Variants in LRP1B observed in about 807,000 individuals in gnomAD.
LRP1B encodes low-density lipoprotein receptor-related protein 1B.
A neutral mutation model predicts 556.6 loss-of-function variants in LRP1B; 217 were observed. The observed-to-expected ratio is 0.39, with a 90% CI of 0.35 to 0.44. LRP1B has a LOEUF of 0.44. LRP1B is among the 20% of genes least tolerant of loss of function. The pLI is 1.00. For synonymous variants in LRP1B, 2,047 were observed against 1,865.8 expected, an observed-to-expected ratio of 1.10 and a Z score of -2.50; for missense variants, 5,053 against 5,620.8, an observed-to-expected ratio of 0.90 and a Z score of 3.23.
At chr2:140,550,054 T>G (rs556212482) in intron 43 of LRP1B, among the ~76,000 whole-genome samples, 1 of 152,166 alleles carries the variant, frequency 6.6e-6, no homozygotes, top group Non-Finnish European at 1.5e-5. Context: ...CCCCTCCTTG[T>G]GTCCATGTGT....
Position 141,700,248 on chromosome 2 carries a change from G to A in LRP1B, c.205+110031C>T, listed in dbSNP as rs140248375. ...TTGTAACGTTCTACTCAAATCCCAT[G>A]TAAAAGCTGGTATTTGTTTATTCCC... On this transcript the variant is annotated intron_variant, in intron 2 of 90. Coordinates refer to ENST00000389484, the MANE Select transcript of LRP1B (RefSeq NM_018557.3). Among the ~76,000 whole-genome samples the A allele has an allele frequency of 4.6e-3, 695 of 151,834 alleles. 8 individuals carry two copies. The highest frequency in any genetic ancestry group is 0.034 in the Middle Eastern group (10 of 294).
Position 141,823,384 on chromosome 2 carries a change from A to C in LRP1B, c.83-12983T>G, listed in dbSNP as rs546099226. 3.9e-5 allele frequency among the ~76,000 whole-genome samples: 6 copies of C among 152,214 alleles called. No individual in the cohort carries two copies. The South Asian group carries it at 1.2e-3, about 32-fold the overall frequency. On this transcript the variant is annotated intron_variant, in intron 1 of 90. Transcript: ENST00000389484. ...GCACAGTGAGGATGAGGAGGTGGAA[A>C]GTGCTCAACATCTGGGTCTTGGGTG...
At chr2:141,241,634 G>A (rs530175434) in intron 5 of LRP1B, among the ~76,000 whole-genome samples, 13 of 151,952 alleles carry the variant, frequency 8.6e-5, no homozygotes, top group South Asian at 4.2e-4. Flanking sequence ...CCCTCATTTC[G>A]CTTCCTGAAT....
chr2:140,386,932 G>T (rs533027683), intron 66 of LRP1B, among the ~76,000 whole-genome samples: 1 of 152,226 alleles, frequency 6.6e-6, no homozygotes, highest in East Asian at 1.9e-4. Context: ...TGGGAATTTT[G>T]CTATAATGGA....
chr2:141,094,865 A>C (rs1191209150), intron 7 of LRP1B, among the ~76,000 whole-genome samples: 1 of 152,186 alleles, frequency 6.6e-6, no homozygotes, highest in East Asian at 1.9e-4. Flanking sequence ...AACAATTGCA[A>C]AACAACTATG....
At chr2:140,417,069 C>T (rs1286047391) in intron 66 of LRP1B, among the ~76,000 whole-genome samples, 1 of 152,160 alleles carries the variant, frequency 6.6e-6, no homozygotes, top group Non-Finnish European at 1.5e-5. Flanking sequence ...AGCCAGGAAA[C>T]CTTCAAAACT....
intron 2 of LRP1B, among the ~76,000 whole-genome samples, chr2:141,614,489 T>C (rs1688225968): frequency 6.6e-6 from 1 of 152,224 alleles, no homozygotes; most frequent in African/African-American, 2.4e-5. Context: ...GGAAATATCA[T>C]CTTTGCATAT....
chr2:141,316,070 G>A (rs1004596362), intron 3 of LRP1B, among the ~76,000 whole-genome samples: 2 of 151,462 alleles, frequency 1.3e-5, no homozygotes, highest in African/African-American at 2.4e-5. Flanking sequence ...CAGGGAATTT[G>A]AACAAGAGAT....
chr2:140,938,802 T>C (rs1354778258), intron 20 of LRP1B, among the ~76,000 whole-genome samples: 2 of 119,286 alleles, frequency 1.7e-5, no homozygotes, highest in Non-Finnish European at 3.9e-5. Flanking sequence ...ATCAACAGTG[T>C]CTTCTCACGG....
chr2:141,208,960 T>C (rs571921750), intron 6 of LRP1B, among the ~76,000 whole-genome samples: 1 of 143,350 alleles, frequency 7.0e-6, no homozygotes, highest in South Asian at 2.2e-4. Context: ...CCCTGAGGCC[T>C]TTAAAACAAT....
chr2:141,967,459 C>A (rs988060507), intron 1 of LRP1B, among the ~76,000 whole-genome samples: 4 of 151,848 alleles, frequency 2.6e-5, no homozygotes, highest in Non-Finnish European at 5.9e-5. Flanking sequence ...AGTATAACAG[C>A]AATTTTTAAC....
chr2:141,135,535 C>T (rs568454173), intron 7 of LRP1B, among the ~76,000 whole-genome samples: 5 of 152,088 alleles, frequency 3.3e-5, no homozygotes, highest in Admixed American at 2.6e-4. Context: ...CACACATGCC[C>T]ATGATAGAAC....
At chr2:140,811,898 G>A (rs556099900) in intron 32 of LRP1B, among the ~76,000 whole-genome samples, 6 of 151,878 alleles carry the variant, frequency 4.0e-5, no homozygotes, top group Non-Finnish European at 7.4e-5. Context: ...TCAATATAAT[G>A]CTCTATAAAT....
intron 1 of LRP1B, among the ~76,000 whole-genome samples, chr2:141,970,499 C>A (rs1701696844): frequency 6.6e-6 from 1 of 151,374 alleles, no homozygotes; most frequent in South Asian, 2.1e-4. Context: ...TATCACAATT[C>A]CTAGTAACAA....
intron 4 of LRP1B, among the ~76,000 whole-genome samples, chr2:141,253,136 C>T (rs75815681): frequency 0.013 from 2,039 of 152,148 alleles, 31 homozygotes; most frequent in African/African-American, 0.039. Flanking sequence ...CAAACACGTA[C>T]GAATGGCAAG....
At chr2:141,971,644 G>A (rs1701735164) in intron 1 of LRP1B, among the ~76,000 whole-genome samples, 1 of 151,446 alleles carries the variant, frequency 6.6e-6, no homozygotes, top group South Asian at 2.1e-4. Context: ...ATTGCAGAGA[G>A]AGCCCATAAG....
chr2:141,408,476 AGG>A (rs1470863939), intron 3 of LRP1B, among the ~76,000 whole-genome samples: 2 of 152,104 alleles, frequency 1.3e-5, no homozygotes, highest in Non-Finnish European at 2.9e-5. Context: ...TTTCTTAGAT[AGG>A]TATAGGTCCA....
At chr2:140,293,566 T>G (rs902831036) in intron 84 of LRP1B, among the ~76,000 whole-genome samples, 7 of 152,180 alleles carry the variant, frequency 4.6e-5, no homozygotes, top group African/African-American at 1.7e-4. Context: ...TAATGGACCT[T>G]TAATTAGGCA....
At chr2:141,247,943 C>A (rs986740600) in intron 4 of LRP1B, among the ~76,000 whole-genome samples, 1 of 152,132 alleles carries the variant, frequency 6.6e-6, no homozygotes, top group Non-Finnish European at 1.5e-5. Context: ...CACTGCGGCT[C>A]ATGCCTGTAA....
Sources: allele counts gnomAD v4.1 joint callset (sites outside exome capture counted in the v4.1 genomes callset), GRCh38; gene constraint gnomAD v4.1.1; transcripts MANE v1.5; gene names NCBI Gene and HGNC (gene_info 2026-07-23, HGNC 2026-07-21).